Variants in PIP5K1B observed in about 807,000 individuals in gnomAD.
PIP5K1B encodes phosphatidylinositol 4-phosphate 5-kinase type-1 beta.
In PIP5K1B, 42 loss-of-function variants were observed where a neutral mutation model predicts 67.0. That is an observed-to-expected ratio of 0.63 (90% CI 0.49 to 0.81). The LOEUF is 0.81. Ranked by LOEUF, PIP5K1B falls within the 30% of genes least tolerant of loss-of-function variation. PIP5K1B has a pLI of 0.00. For synonymous variants in PIP5K1B, 214 were observed against 231.4 expected (o/e 0.92, Z 0.68); for missense variants, 459 against 646.3 (o/e 0.71, Z 3.14).
intron 2 of PIP5K1B, among the ~76,000 whole-genome samples, chr9:68,803,709 C>T (rs1226688740): frequency 1.3e-5 from 2 of 152,218 alleles, no homozygotes; most frequent in Non-Finnish European, 2.9e-5. Context: ...ATACAAGTTT[C>T]TTGTTTGTTT....
In PIP5K1B at chr9:68,780,854, A is replaced by G. The variant is rs781641348; in HGVS notation, c.-85-37607A>G. 5 of 1,614,232 alleles carry G rather than the reference A, an allele frequency of 3.1e-6. No individual in the cohort carries two copies. The Admixed American group carries it at 8.3e-5, about 27-fold the overall frequency. On this transcript the variant is annotated intron_variant, in intron 2 of 15. Transcript: ENST00000265382. The stretch of plus-strand genomic sequence containing the variant: ...CCAACATGCTTTCTTCTGACGTTGC[A>G]CAGCTGTCAGATCCTGGTGTGTGTG...
chr9:68,996,830 T>A (rs933138497), intron 15 of PIP5K1B, among the ~76,000 whole-genome samples: 3 of 152,200 alleles, frequency 2.0e-5, no homozygotes, highest in African/African-American at 7.2e-5. Context: ...TTTAATAATA[T>A]AGAAGTTTGA....
Position 68,923,365 on chromosome 9 carries a change from A to G in PIP5K1B, c.1180A>G (p.Arg394Gly). ...CAGATTTCTTAAGTTCATGAATTCC[A>G]GAGTTTTCAAGAAAATTCAAGGTAA... The part of the protein sequence containing the change: ...ADRFLKFMNS[R>G]VFKKIQALKA... The change falls in exon 12 of 16, where the codon AGA becomes GGA. Residue 394 changes from arginine (R) to glycine (G), a missense_variant. By Grantham distance (125) the Arg-to-Gly change is moderately radical (BLOSUM62 -2). Coordinates refer to ENST00000265382, the MANE Select transcript of PIP5K1B (RefSeq NM_003558.4). The G allele has an allele frequency of 3.8e-6, 6 of 1,583,332 alleles. No individual in the cohort carries two copies. The highest frequency in any genetic ancestry group is 1.7e-5 in the Admixed American group (1 of 58,272).
chr9:68,940,140 T>C (rs1827483893), intron 13 of PIP5K1B, among the ~76,000 whole-genome samples: 1 of 152,238 alleles, frequency 6.6e-6, no homozygotes, highest in Admixed American at 6.5e-5. Flanking sequence ...ATTTATGGGC[T>C]CAGATGGGGT....
chr9:68,804,980 C>T (rs966303122), intron 2 of PIP5K1B, among the ~76,000 whole-genome samples: 8 of 152,226 alleles, frequency 5.3e-5, no homozygotes, highest in Non-Finnish European at 8.8e-5. Context: ...GTCACCTAAA[C>T]GCCTAACTGG....
intron 2 of PIP5K1B, among the ~76,000 whole-genome samples, chr9:68,743,537 A>T (rs1024617772): frequency 2.6e-5 from 4 of 152,234 alleles, no homozygotes; most frequent in Non-Finnish European, 5.9e-5. Context: ...ATGAGCTTTC[A>T]TAAGAACACT....
intron 15 of PIP5K1B, among the ~76,000 whole-genome samples, chr9:68,997,678 T>C (rs1830654063): frequency 6.6e-6 from 1 of 152,186 alleles, no homozygotes; most frequent in African/African-American, 2.4e-5. Flanking sequence ...TTCTAAGACA[T>C]GTGGAAGAGC....
chr9:68,960,474 G>T (rs1042782650), intron 14 of PIP5K1B, among the ~76,000 whole-genome samples: 2 of 151,816 alleles, frequency 1.3e-5, no homozygotes, highest in Admixed American at 1.3e-4. Flanking sequence ...AAATTTTCTT[G>T]ATGATTTCAT....
chr9:68,848,443 C>T (rs1185074689), intron 4 of PIP5K1B, among the ~76,000 whole-genome samples: 1 of 152,210 alleles, frequency 6.6e-6, no homozygotes, highest in Non-Finnish European at 1.5e-5. Context: ...ACTTCACCCA[C>T]AAGCTGCTGT....
At chr9:68,833,018 A>T (rs1171598909) in intron 4 of PIP5K1B, among the ~76,000 whole-genome samples, 1 of 152,158 alleles carries the variant, frequency 6.6e-6, no homozygotes, top group African/African-American at 2.4e-5. Context: ...GTACTCATTC[A>T]TTTCTCCAGT....
chr9:68,817,692 G>A (rs550438716), intron 2 of PIP5K1B, among the ~76,000 whole-genome samples: 2 of 151,448 alleles, frequency 1.3e-5, no homozygotes, highest in Non-Finnish European at 2.9e-5. Context: ...ATCGCACGGT[G>A]GGGGAGATAA....
intron 14 of PIP5K1B, among the ~76,000 whole-genome samples, chr9:68,980,538 C>T (rs1800097737): frequency 6.6e-6 from 1 of 152,198 alleles, no homozygotes; most frequent in African/African-American, 2.4e-5. Context: ...AGGTAAGAGT[C>T]CTGTTGATAC....
chr9:68,825,633 A>G (rs1255718199), intron 4 of PIP5K1B, among the ~76,000 whole-genome samples: 3 of 152,192 alleles, frequency 2.0e-5, no homozygotes, highest in Non-Finnish European at 4.4e-5. Context: ...GTGTTTTTGC[A>G]TTGACTGAAG....
intron 4 of PIP5K1B, among the ~76,000 whole-genome samples, chr9:68,858,700 A>G (rs1263844739): frequency 1.3e-5 from 2 of 152,222 alleles, no homozygotes; most frequent in African/African-American, 2.4e-5. Context: ...TTTGAAAACA[A>G]TCACTCTGCA....
At chr9:68,919,442 A>C (rs367785142) in intron 9 of PIP5K1B, 37 bp from the exon 10 acceptor site, 4 of 978,370 alleles carry the variant, frequency 4.1e-6, no homozygotes, top group Non-Finnish European at 6.3e-6. Flanking sequence ...TTCTTATAAT[A>C]TGTAATCAAA....
intron 12 of PIP5K1B, among the ~76,000 whole-genome samples, chr9:68,924,255 A>T (rs921377476): frequency 6.6e-6 from 1 of 151,772 alleles, no homozygotes; most frequent in African/African-American, 2.4e-5. Context: ...TACAAAAATT[A>T]GCCAGACGTC....
At chr9:68,930,938 T>G (rs892196761) in intron 12 of PIP5K1B, among the ~76,000 whole-genome samples, 1 of 152,154 alleles carries the variant, frequency 6.6e-6, no homozygotes, top group African/African-American at 2.4e-5. Flanking sequence ...AAAGGGTAAT[T>G]AAATTATTAG....
At chr9:68,909,058 T>C (rs914402650) in intron 8 of PIP5K1B, among the ~76,000 whole-genome samples, 8 of 152,216 alleles carry the variant, frequency 5.3e-5, no homozygotes, top group Non-Finnish European at 1.0e-4. Context: ...TCCCAAATTA[T>C]TAATTTCTGT....
intron 2 of PIP5K1B, among the ~76,000 whole-genome samples, chr9:68,805,201 G>A (rs1211561475): frequency 6.6e-6 from 1 of 152,216 alleles, no homozygotes; most frequent in Non-Finnish European, 1.5e-5. Flanking sequence ...ACTTGAGAGG[G>A]AGCATGTGGG....
Sources: allele counts gnomAD v4.1 joint callset (sites outside exome capture counted in the v4.1 genomes callset), GRCh38; gene constraint gnomAD v4.1.1; transcripts MANE v1.5; gene names NCBI Gene and HGNC (gene_info 2026-07-23, HGNC 2026-07-21).